The following SEM1 variants were observed in gnomAD, a reference collection of about 807,000 sequenced individuals.
The protein encoded by SEM1 is 26S proteasome complex subunit SEM1.
Under a neutral mutation model 12.7 loss-of-function variants are expected in SEM1, and 3 were observed. The observed-to-expected ratio is 0.24, with a 90% confidence interval of 0.11 to 0.61. The LOEUF (loss-of-function observed/expected upper bound fraction) is 0.61, where lower values mean the gene tolerates loss of function less well. Among genes scored for constraint, SEM1 ranks in the 20% least tolerant of loss-of-function variants. The pLI is 0.88. For missense variants in SEM1, 59 were observed against 81.3 expected, an observed-to-expected ratio of 0.73 and a Z score of 1.06; for synonymous variants, 30 against 27.8, an observed-to-expected ratio of 1.08 and a Z score of -0.25.
At chr7:96,481,751 C>G (rs962154471) in exon 4 of SEM1, 1 of 151,922 alleles carries the variant, frequency 6.6e-6, no homozygotes, top group Non-Finnish European at 1.5e-5. Context: ...TTAATTAAAT[C>G]TTGTTTTTAT....
chr7:96,677,663 T>C (rs932693312), intron 2 of SEM1, among the ~76,000 whole-genome samples: 2 of 152,056 alleles, frequency 1.3e-5, no homozygotes, highest in Non-Finnish European at 1.5e-5. Context: ...AACTATTCAG[T>C]GGTCTGGGCT....
At chr7:96,656,537 CATG>C (rs1480321069) in intron 2 of SEM1, 3 of 151,438 alleles carry the variant, frequency 2.0e-5, no homozygotes, top group Admixed American at 6.6e-5. Context: ...AAGCAACTTC[CATG>C]ATAAGTTATA....
At chr7:96,580,114 C>T (rs1459525879) in intron 2 of SEM1, among the ~76,000 whole-genome samples, 1 of 116,532 alleles carries the variant, frequency 8.6e-6, no homozygotes, top group African/African-American at 3.2e-5. Context: ...TGCTATCCCT[C>T]CCCCCTCCCC....
In SEM1 at chr7:96,485,284, T is replaced by C. The variant is rs965120834; in HGVS notation, c.228-430A>G. On this transcript the variant is annotated intron_variant, in intron 2 of 3. Transcript: ENST00000356686. ...ACTTAGTGGCTTAAAACAAGGCAAA[T>C]TGATTCTCTTACAGTTCTGGAGGTC... 2.6e-5 allele frequency among the ~76,000 whole-genome samples: 4 copies of C among 152,146 alleles called. No individual in the cohort carries two copies. The East Asian group carries it at 5.8e-4, about 22-fold the overall frequency.
chr7:96,512,950 A>C (rs1187094491), intron 2 of SEM1, among the ~76,000 whole-genome samples: 1 of 152,156 alleles, frequency 6.6e-6, no homozygotes, highest in Non-Finnish European at 1.5e-5. Context: ...TCATTACATA[A>C]TTAACACCAT....
intron 2 of SEM1, among the ~76,000 whole-genome samples, chr7:96,647,964 G>C (rs1159653711): frequency 6.6e-6 from 1 of 152,188 alleles, no homozygotes; most frequent in Non-Finnish European, 1.5e-5. Flanking sequence ...CATGAGGAGA[G>C]AGCAATTTTT....
intron 1 of SEM1, among the ~76,000 whole-genome samples, chr7:96,706,570 CAAAAAAAAAAAAA>C (rs67892273): frequency 1.4e-4 from 11 of 78,068 alleles, no homozygotes; most frequent in Non-Finnish European, 1.9e-4. Flanking sequence ...CTCAAACAAA[CAAAAAAAAAAAAA>C]AAAAAAAAAA....
At chr7:96,650,272 T>C (rs545329378) in intron 2 of SEM1, 1 of 450,478 alleles carries the variant, frequency 2.2e-6, no homozygotes, top group South Asian at 5.0e-5. Context: ...TATGGGAAAT[T>C]CCGCTGCACA....
At chr7:96,568,990 G>A (rs1280971286) in intron 2 of SEM1, among the ~76,000 whole-genome samples, 7 of 151,958 alleles carry the variant, frequency 4.6e-5, no homozygotes, top group Non-Finnish European at 1.0e-4. Context: ...TTGTGAATGT[G>A]CAGACCTACA....
At chr7:96,699,943 A>C (rs1016100929) in intron 1 of SEM1, among the ~76,000 whole-genome samples, 1 of 152,176 alleles carries the variant, frequency 6.6e-6, no homozygotes, top group African/African-American at 2.4e-5. Flanking sequence ...CTACTTACTA[A>C]GTTCAAAGAC....
intron 2 of SEM1, among the ~76,000 whole-genome samples, chr7:96,680,722 C>G (rs142173935): frequency 6.6e-6 from 1 of 152,056 alleles, no homozygotes; most frequent in African/African-American, 2.4e-5. Context: ...AGCGATTCTA[C>G]CTGACCAGTG....
intron 2 of SEM1, among the ~76,000 whole-genome samples, chr7:96,611,064 A>G (rs568891026): frequency 1.1e-4 from 16 of 152,266 alleles, no homozygotes; most frequent in African/African-American, 3.4e-4. Context: ...AGTTGACACA[A>G]CACCCAGACA....
chr7:96,693,199 A>G (rs1789980294), intron 2 of SEM1, among the ~76,000 whole-genome samples: 1 of 152,094 alleles, frequency 6.6e-6, no homozygotes, highest in South Asian at 2.1e-4. Context: ...GAACAAGCTT[A>G]CTAGACTAGT....
At chr7:96,499,332 C>T (rs1453090132), upstream of SEM1, among the ~76,000 whole-genome samples, 1 of 152,136 alleles carries the variant, frequency 6.6e-6, no homozygotes, top group East Asian at 1.9e-4. Context: ...TTTCAGGTCA[C>T]AGAATAAGTC....
At chr7:96,485,074 T>G (rs1170453224) in intron 2 of SEM1, among the ~76,000 whole-genome samples, 1 of 152,204 alleles carries the variant, frequency 6.6e-6, no homozygotes, top group Non-Finnish European at 1.5e-5. Flanking sequence ...AAACAAACTT[T>G]GAGGTCCTCC....
intron 2 of SEM1, among the ~76,000 whole-genome samples, chr7:96,631,162 G>A (rs1325220352): frequency 1.3e-5 from 2 of 152,142 alleles, no homozygotes; most frequent in Admixed American, 6.5e-5. Flanking sequence ...TAGGTCACAT[G>A]CCCCGCTTAG....
At chr7:96,686,766 A>T (rs370086129), downstream of SEM1, among the ~76,000 whole-genome samples, 10 of 152,324 alleles carry the variant, frequency 6.6e-5, no homozygotes, top group East Asian at 1.9e-3. Context: ...AGCAATGGCA[A>T]CAAAAGCCAA....
intron 2 of SEM1, among the ~76,000 whole-genome samples, chr7:96,642,481 T>C (rs1003496262): frequency 6.6e-6 from 1 of 152,046 alleles, no homozygotes; most frequent in Non-Finnish European, 1.5e-5. Context: ...TTCTGTTTTC[T>C]GTCTCCCTCT....
intron 2 of SEM1, among the ~76,000 whole-genome samples, chr7:96,572,041 ATTTC>A (rs1385063805): frequency 6.6e-6 from 1 of 152,088 alleles, no homozygotes; most frequent in East Asian, 1.9e-4. Context: ...GAATTTATCC[ATTTC>A]TTCTAAATTT....
Sources: gnomAD v4.1 joint callset for allele counts (sites outside exome capture counted in the v4.1 genomes callset) on GRCh38, gnomAD v4.1.1 for gene constraint, MANE v1.5 for transcripts, NCBI Gene and HGNC (gene_info 2026-07-23, HGNC 2026-07-21) for gene names.